The following KLF8 variants were observed in gnomAD, a reference collection of about 807,000 sequenced individuals.
KLF8 encodes Krueppel-like factor 8.
KLF8 carries 10 observed loss-of-function variants against 18.2 expected under a neutral mutation model. The observed-to-expected ratio is 0.55, with a 90% CI of 0.34 to 0.93. The LOEUF is 0.93. KLF8 is among the 40% of genes least tolerant of loss of function. The pLI, the probability that KLF8 is intolerant of heterozygous loss-of-function variation, is 0.02. For synonymous variants in KLF8, 109 were observed against 97.3 expected (o/e 1.12, Z -0.71); for missense variants, 264 against 277.9 (o/e 0.95, Z 0.36).
the KLF8 span, among the ~76,000 whole-genome samples, chrX:55,953,254 G>A: frequency 4.5e-5 from 5 of 111,221 alleles, no homozygotes; most frequent in Non-Finnish European, 9.4e-5. Flanking sequence ...GTGCTGCAAG[G>A]CAAATTAAAG....
chrX:55,933,807 C>A, the KLF8 span, among the ~76,000 whole-genome samples: 1 of 111,719 alleles, frequency 9.0e-6, no homozygotes, highest in African/African-American at 3.3e-5. Flanking sequence ...CTGTATTCTC[C>A]TTTCTACTTA....
the KLF8 span, among the ~76,000 whole-genome samples, chrX:56,124,911 A>G: frequency 8.9e-6 from 1 of 112,103 alleles, no homozygotes. Flanking sequence ...TCAGAAATGA[A>G]AATGCACTAC....
the KLF8 span, among the ~76,000 whole-genome samples, chrX:55,937,594 C>T: frequency 2.7e-5 from 3 of 111,478 alleles, no homozygotes; most frequent in Admixed American, 9.5e-5. Flanking sequence ...GGAGGAAGTT[C>T]GAACCAATGG....
chrX:55,956,169 C>CT, the KLF8 span, among the ~76,000 whole-genome samples: 4,877 of 81,548 alleles, frequency 0.06, 138 homozygotes, highest in African/African-American at 0.22. Flanking sequence ...ATCTATCTAT[C>CT]ATCTATCTAT....
the KLF8 span, among the ~76,000 whole-genome samples, chrX:56,017,921 A>G: frequency 1.8e-5 from 2 of 111,582 alleles, no homozygotes; most frequent in African/African-American, 3.3e-5. Context: ...TTATGGATAC[A>G]TAGTAGTTGT....
the KLF8 span, among the ~76,000 whole-genome samples, chrX:55,938,855 G>A: frequency 9.0e-6 from 1 of 111,682 alleles, no homozygotes; most frequent in African/African-American, 3.3e-5. Context: ...CCCAATACAG[G>A]AGCACCCAGA....
the KLF8 span, among the ~76,000 whole-genome samples, chrX:56,062,330 T>C: frequency 3.6e-5 from 4 of 110,823 alleles, no homozygotes; most frequent in African/African-American, 1.3e-4. Context: ...TTTGTCTTTG[T>C]TTTTCCTTGT....
chrX:56,185,537 C>T, the KLF8 span, among the ~76,000 whole-genome samples: 1 of 111,270 alleles, frequency 9.0e-6, no homozygotes, highest in African/African-American at 3.3e-5. Flanking sequence ...CACAAAGATA[C>T]TCCTCGAGAA....
chrX:56,041,296 G>T, the KLF8 span, among the ~76,000 whole-genome samples: 1 of 109,777 alleles, frequency 9.1e-6, no homozygotes, highest in Admixed American at 9.7e-5. Flanking sequence ...GCTAATTTTT[G>T]TATTATTAGT....
At chrX:56,123,271 AAAAGAAAGAAAG>A in the KLF8 span, among the ~76,000 whole-genome samples, 7 of 91,309 alleles carry the variant, frequency 7.7e-5, no homozygotes, top group East Asian at 1.2e-3. Flanking sequence ...GAAAGAAAGA[AAAAGAAAGAAAG>A]AAAGAAAGAA....
intron 2 of KLF8, 22 bp downstream of exon 2, chrX:56,250,326 G>T (rs2066689240): frequency 2.7e-6 from 3 of 1,103,580 alleles, no homozygotes; most frequent in South Asian, 1.9e-5. Context: ...GGAAAATAGG[G>T]TGCTAATATT....
the KLF8 span, among the ~76,000 whole-genome samples, chrX:55,916,902 C>T: frequency 3.6e-5 from 4 of 111,755 alleles, no homozygotes; most frequent in Non-Finnish European, 5.6e-5. Flanking sequence ...AAGTTTTGCT[C>T]TCAGCAAAGT....
At chrX:56,242,087 G>C (rs1286586234) in intron 1 of KLF8, among the ~76,000 whole-genome samples, 1 of 112,347 alleles carries the variant, frequency 8.9e-6, no homozygotes, top group Non-Finnish European at 1.9e-5. Context: ...TGTATTTCCA[G>C]TTTTAGACTT....
At position 56,287,882 on chromosome X, in the gene KLF8, A is replaced by G. The variant is rs2067284780; in HGVS notation, c.*3388A>G. 8.9e-6 allele frequency: 1 copy of G among 111,746 alleles called. No homozygotes were observed. The highest frequency in any genetic ancestry group is 9.5e-5 in the Admixed American group (1 of 10,473). 9.2% of individuals were successfully genotyped at this position (111,746 alleles called of 1,213,427 possible). On this transcript the variant is annotated 3_prime_UTR_variant, in exon 6 of 6. Transcript: ENST00000468660. ...TAATAAAACACATTGATATGTTAAT[A>G]TTATTAACTGAAGTCCATACTTTAT... is the stretch of plus-strand genomic sequence containing the variant.
the KLF8 span, among the ~76,000 whole-genome samples, chrX:56,197,980 A>G: frequency 3.6e-5 from 4 of 112,210 alleles, no homozygotes; most frequent in Admixed American, 9.5e-5. Flanking sequence ...AGAACCAAAG[A>G]CAAAAACCAC....
the KLF8 span, among the ~76,000 whole-genome samples, chrX:56,110,761 A>G: frequency 2.7e-5 from 3 of 111,816 alleles, no homozygotes; most frequent in Non-Finnish European, 5.6e-5. Flanking sequence ...TGTTTTTGTC[A>G]CAAATTATAT....
In KLF8 at chrX:56,265,260, C is replaced by A. The variant is rs1395360532; in HGVS notation, c.162C>A (p.Ala54=). 15 of 1,206,614 alleles carry A rather than the reference C, an allele frequency of 1.2e-5. No homozygotes were observed. The East Asian group carries it at 1.5e-4, about 12-fold the overall frequency. ...TGACTTCTCCAACACTCCTGGATGCCAACCCCATGGAGAACCCAGCACTGT... is the reference window on the plus strand; with the variant it reads ...TGACTTCTCCAACACTCCTGGATGCAAACCCCATGGAGAACCCAGCACTGT... ...SNMTSPTLLD[A]NPMENPALFN... The change falls in exon 3 of 6, where the codon GCC becomes GCA. Residue 54 remains alanine (A), a synonymous_variant. Coordinates refer to ENST00000468660, the MANE Select transcript of KLF8 (RefSeq NM_007250.5).
chrX:56,022,566 AAAGAAG>A, the KLF8 span, among the ~76,000 whole-genome samples: 1 of 105,378 alleles, frequency 9.5e-6, no homozygotes, highest in African/African-American at 3.6e-5. Context: ...AAAAAAAAAA[AAAGAAG>A]AAAAAAAAAA....
chrX:56,091,470 T>G, the KLF8 span, among the ~76,000 whole-genome samples: 3 of 111,359 alleles, frequency 2.7e-5, no homozygotes, highest in Non-Finnish European at 3.8e-5. Context: ...GTGATAAACA[T>G]AAAAGTATAG....
Sources: gnomAD v4.1 joint callset for allele counts (sites outside exome capture counted in the v4.1 genomes callset) on GRCh38, gnomAD v4.1.1 for gene constraint, MANE v1.5 for transcripts, NCBI Gene and HGNC (gene_info 2026-07-23, HGNC 2026-07-21) for gene names.